Variants in TRAP1 observed in about 807,000 individuals in gnomAD.
TRAP1 encodes the protein TNF receptor associated protein 1.
TRAP1 carries 102 observed loss-of-function variants against 89.1 expected under a neutral mutation model. That is an observed-to-expected ratio of 1.15 (90% CI 0.98 to 1.35). The LOEUF (loss-of-function observed/expected upper bound fraction) is 1.35. Among genes scored for constraint, TRAP1 ranks in the 40% most tolerant of loss-of-function variants. The pLI, the probability that TRAP1 is intolerant of heterozygous loss-of-function variation, is 0.00. For missense variants in TRAP1, 1,256 were observed against 945.3 expected (o/e 1.33, Z -4.31); for synonymous variants, 508 against 388.0 (o/e 1.31, Z -3.64).
intron 11 of TRAP1, among the ~76,000 whole-genome samples, chr16:3,669,750 A>G (rs913810764): frequency 4.7e-5 from 7 of 148,008 alleles, no homozygotes; most frequent in South Asian, 2.2e-4. Context: ...GGAGAATGGC[A>G]TGAACCCGGG....
chr16:3,674,848 G>A (rs896140980), intron 8 of TRAP1: 10 of 359,718 alleles, frequency 2.8e-5, no homozygotes, highest in East Asian at 1.2e-4. Context: ...GCTGAGCCGC[G>A]AGGGGGAAGT....
chr16:3,703,043 G>GGAAAAAAAAAAAAAAA (rs564433883), intron 1 of TRAP1, among the ~76,000 whole-genome samples: 3 of 43,500 alleles, frequency 6.9e-5, no homozygotes, highest in Admixed American at 3.0e-4. Flanking sequence ...ACTCCGTCTT[G>GGAAAAAAAAAAAAAAA]AAAAAAAAAA....
At chr16:3,701,720 G>C (rs987130917) in intron 1 of TRAP1, among the ~76,000 whole-genome samples, 1 of 152,078 alleles carries the variant, frequency 6.6e-6, no homozygotes, top group Non-Finnish European at 1.5e-5. Context: ...AGAAGGGTGC[G>C]TCCCTGAGGG....
chr16:3,716,943 T>C (rs1206676010), intron 1 of TRAP1, among the ~76,000 whole-genome samples: 1 of 152,088 alleles, frequency 6.6e-6, no homozygotes, highest in Non-Finnish European at 1.5e-5. Flanking sequence ...CACATGTGCG[T>C]CCAATGAACG....
At position 3,658,831 on chromosome 16, in the gene TRAP1, C is replaced by G. The variant is rs764916149; in HGVS notation, c.1975G>C (p.Ala659Pro). ...AGCTGAGCCAGGCCAGGCTCGCTTG[C>G]GCGCAGCTGATTCAGCTTCTTGATG... ...ALIKKLNQLR[A>P]SEPGLAQLLV... Residue 659 changes from alanine (A) to proline (P), a missense_variant, in exon 17 of 18, where the codon GCA becomes CCA. Coordinates refer to ENST00000246957, the MANE Select transcript of TRAP1 (RefSeq NM_016292.3). 1.9e-6 allele frequency: 3 copies of G among 1,613,842 alleles called. No homozygotes were observed. The highest frequency in any genetic ancestry group is 1.7e-5 in the Admixed American group (1 of 60,000).
intron 1 of TRAP1, among the ~76,000 whole-genome samples, chr16:3,710,879 A>ATTTTTTTTTTTT (rs1181110685): frequency 4.8e-5 from 6 of 125,832 alleles, no homozygotes; most frequent in African/African-American, 2.0e-4. Flanking sequence ...ATATATATAT[A>ATTTTTTTTTTTT]TTTTTTTTTT....
intron 1 of TRAP1, among the ~76,000 whole-genome samples, chr16:3,696,567 C>T (rs2051290335): frequency 1.3e-5 from 2 of 152,120 alleles, no homozygotes; most frequent in South Asian, 2.1e-4. Context: ...TAAGTTACTA[C>T]TATTTTGAGA....
At chr16:3,698,451 C>G (rs748931329) in intron 1 of TRAP1, among the ~76,000 whole-genome samples, 1 of 151,856 alleles carries the variant, frequency 6.6e-6, no homozygotes, top group Non-Finnish European at 1.5e-5. Context: ...TACAGGCGCC[C>G]GCCACCATGC....
intron 1 of TRAP1, among the ~76,000 whole-genome samples, chr16:3,701,038 A>C (rs1353819420): frequency 1.3e-5 from 2 of 152,226 alleles, no homozygotes; most frequent in Non-Finnish European, 2.9e-5. Context: ...GGAAGACCTA[A>C]TTACATGCTA....
chr16:3,671,099 C>A (rs370990527), intron 11 of TRAP1, among the ~76,000 whole-genome samples: 4 of 152,160 alleles, frequency 2.6e-5, no homozygotes, highest in Non-Finnish European at 5.9e-5. Flanking sequence ...GCATGCTGCA[C>A]GTGGTGGGCT....
chr16:3,694,933 C>T (rs953621518), intron 1 of TRAP1, among the ~76,000 whole-genome samples: 5 of 152,174 alleles, frequency 3.3e-5, no homozygotes, highest in African/African-American at 1.2e-4. Flanking sequence ...CCTCCTGAGG[C>T]TGGGAGGGAG....
rs1182151748 is a variant in TRAP1 at position 3,690,074 on chromosome 16, C to T, written c.247+753G>A. Among the ~76,000 whole-genome samples, 4 of 152,104 alleles carry T rather than the reference C, an allele frequency of 2.6e-5. 1 individual carries two copies. The South Asian group carries it at 6.2e-4, about 24-fold the overall frequency. ...CCAGGCTGCTATGCAGTGGCAGGATCGTGCTCACTGCAGCCTCAACTTCCT... is the reference window on the plus strand; with the variant it reads ...CCAGGCTGCTATGCAGTGGCAGGATTGTGCTCACTGCAGCCTCAACTTCCT... On this transcript the variant is annotated intron_variant, in intron 2 of 17. Coordinates refer to ENST00000246957, the MANE Select transcript of TRAP1 (RefSeq NM_016292.3).
In TRAP1 at chr16:3,674,336, C is replaced by A. The variant is rs760686130; in HGVS notation, c.1044+3G>T. 2 of 1,613,810 alleles carry A rather than the reference C, an allele frequency of 1.2e-6. No homozygotes were observed. On this transcript the variant is annotated splice_donor_region_variant and intron_variant, in intron 9 of 17. Transcript: ENST00000246957. ...GGGCCGTGGGACTGCCACAGTGCCT[C>A]ACCATGTCGGGCACGTAGAAGATGC...
chr16:3,663,756 G>C (rs1356207656), intron 13 of TRAP1, 194 bp from the exon 14 acceptor site: 5 of 639,072 alleles, frequency 7.8e-6, no homozygotes, highest in Non-Finnish European at 1.3e-5. Flanking sequence ...CTGCCTTCAA[G>C]GCAGAAGCAC....
rs1288933805 is a variant in TRAP1 at position 3,672,829 on chromosome 16, G to A, written c.1045-9C>T. 1.2e-6 allele frequency: 2 copies of A among 1,611,128 alleles called. No homozygotes were observed. Among genetic ancestry groups the A allele is most frequent in the Admixed American group, 1.7e-5 (1 of 59,764 alleles). On this transcript the variant is annotated splice_polypyrimidine_tract_variant and intron_variant, in intron 9 of 17. Coordinates refer to ENST00000246957, the MANE Select transcript of TRAP1 (RefSeq NM_016292.3). ...TCAAACATGGACGGTTTCTGGGGGT[G>A]AGGAGAACACGCCATCATGCAGCAC... is the stretch of plus-strand genomic sequence containing the variant.
chr16:3,700,815 A>G, intron 1 of TRAP1, among the ~76,000 whole-genome samples: 1 of 152,318 alleles, frequency 6.6e-6, no homozygotes, highest in Non-Finnish European at 1.5e-5. Flanking sequence ...AATAATTCAA[A>G]GAAGAATAGC....
intron 12 of TRAP1, chr16:3,665,224 A>T (rs1452538343): frequency 6.6e-6 from 1 of 152,232 alleles, no homozygotes; most frequent in Non-Finnish European, 1.5e-5. Flanking sequence ...AAGTCGGCAA[A>T]CAACCAGAAC....
intron 9 of TRAP1, among the ~76,000 whole-genome samples, chr16:3,673,456 G>C (rs1017728318): frequency 1.3e-5 from 2 of 152,222 alleles, no homozygotes; most frequent in African/African-American, 2.4e-5. Context: ...TTCCCGAACC[G>C]GGACCCACAC....
intron 1 of TRAP1, among the ~76,000 whole-genome samples, chr16:3,695,552 G>GAAAAGA (rs571110486): frequency 2.9e-5 from 4 of 140,266 alleles, no homozygotes; most frequent in African/African-American, 8.4e-5. Context: ...AAAAAAAAAA[G>GAAAAGA]AAAAGAAAAA....
Sources: gnomAD v4.1 joint callset for allele counts (sites outside exome capture counted in the v4.1 genomes callset) on GRCh38, gnomAD v4.1.1 for gene constraint, MANE v1.5 for transcripts, NCBI Gene and HGNC (gene_info 2026-07-23, HGNC 2026-07-21) for gene names.